GRK4: variants seen among roughly 807,000 people sequenced by gnomAD.
The protein encoded by GRK4 is G protein-coupled receptor kinase 2-like.
Under a neutral mutation model 77.9 loss-of-function variants are expected in GRK4, and 73 were observed. That is an observed-to-expected ratio of 0.94 (90% CI 0.78 to 1.14). The LOEUF is 1.14. Among genes scored for constraint, GRK4 ranks in the 50% most tolerant of loss-of-function variants. The pLI, the probability that GRK4 is intolerant of heterozygous loss-of-function variation, is 0.00. For missense variants in GRK4, 729 were observed against 700.2 expected (o/e 1.04, Z -0.46); for synonymous variants, 257 against 254.4 (o/e 1.01, Z -0.10).
At chr4:3,025,472 C>T (rs1350069600) in intron 10 of GRK4, among the ~76,000 whole-genome samples, 3 of 144,630 alleles carry the variant, frequency 2.1e-5, no homozygotes, top group Non-Finnish European at 4.5e-5. Context: ...TCACTGTAAG[C>T]TCCGCCTCCC....
At chr4:3,006,711 C>T (rs1321718870) in intron 5 of GRK4, among the ~76,000 whole-genome samples, 2 of 152,086 alleles carry the variant, frequency 1.3e-5, no homozygotes, top group Non-Finnish European at 2.9e-5. Flanking sequence ...GAGGTCAAGG[C>T]TGCAGTGACT....
chr4:3,014,918 C>T (rs983516773), intron 8 of GRK4, among the ~76,000 whole-genome samples: 6 of 152,192 alleles, frequency 3.9e-5, no homozygotes, highest in African/African-American at 9.7e-5. Flanking sequence ...TGAGCTACCA[C>T]GTCTGGCTGA....
intron 10 of GRK4, among the ~76,000 whole-genome samples, chr4:3,026,545 C>A (rs1261431181): frequency 6.6e-6 from 1 of 152,132 alleles, no homozygotes; most frequent in Non-Finnish European, 1.5e-5. Flanking sequence ...GCCTGGGCAA[C>A]ATGACCAAAC....
At chr4:3,023,088 C>G (rs920879271) in intron 10 of GRK4, among the ~76,000 whole-genome samples, 2 of 152,146 alleles carry the variant, frequency 1.3e-5, no homozygotes, top group African/African-American at 4.8e-5. Flanking sequence ...TTTCCATTCC[C>G]CTCTAAACTT....
At chr4:3,028,238 T>C (rs1251022956) in intron 11 of GRK4, among the ~76,000 whole-genome samples, 1 of 152,068 alleles carries the variant, frequency 6.6e-6, no homozygotes, top group Non-Finnish European at 1.5e-5. Context: ...AGTCCTGAGG[T>C]CACTCAGCGA....
intron 1 of GRK4, among the ~76,000 whole-genome samples, chr4:2,977,430 C>G (rs570806528): frequency 7.9e-5 from 12 of 151,078 alleles, no homozygotes; most frequent in Non-Finnish European, 1.8e-4. Flanking sequence ...ATCTGTTTAC[C>G]CAGGGTTTTT....
At chr4:2,987,277 T>A (rs567638343) in intron 2 of GRK4, 1 of 345,958 alleles carries the variant, frequency 2.9e-6, no homozygotes, top group South Asian at 2.3e-5. Flanking sequence ...CTTCATCCTT[T>A]TTTGTTGGTG....
At chr4:3,031,951 A>G (rs1739293944) in intron 12 of GRK4, among the ~76,000 whole-genome samples, 1 of 152,066 alleles carries the variant, frequency 6.6e-6, no homozygotes, top group African/African-American at 2.4e-5. Flanking sequence ...TGTCCTTTTC[A>G]TGTGTTTCCA....
At chr4:2,981,266 C>G (rs1448948325) in intron 1 of GRK4, among the ~76,000 whole-genome samples, 1 of 152,204 alleles carries the variant, frequency 6.6e-6, no homozygotes, top group South Asian at 2.1e-4. Flanking sequence ...TGTGCTTCAG[C>G]CTGTTTGTAT....
At chr4:3,000,498 A>G (rs1263154351) in intron 4 of GRK4, among the ~76,000 whole-genome samples, 1 of 151,884 alleles carries the variant, frequency 6.6e-6, no homozygotes, top group Non-Finnish European at 1.5e-5. Context: ...GGAACAATGC[A>G]TATTTGTGGA....
chr4:3,019,003 C>A (rs1025828430), intron 8 of GRK4, among the ~76,000 whole-genome samples: 5 of 152,090 alleles, frequency 3.3e-5, no homozygotes, highest in African/African-American at 1.2e-4. Flanking sequence ...TTGAATGCAG[C>A]CCCAATCAGA....
At chr4:2,987,364 A>C (rs1724721517) in intron 2 of GRK4, among the ~76,000 whole-genome samples, 1 of 152,208 alleles carries the variant, frequency 6.6e-6, no homozygotes. Context: ...GTTGTTTTCT[A>C]CTTTTGCCTG....
intron 4 of GRK4, among the ~76,000 whole-genome samples, chr4:2,996,880 T>C (rs1728103063): frequency 1.3e-5 from 2 of 152,200 alleles, no homozygotes; most frequent in Non-Finnish European, 2.9e-5. Flanking sequence ...TTGTCTTTTA[T>C]TTTAAAACAG....
intron 8 of GRK4, among the ~76,000 whole-genome samples, chr4:3,017,451 A>G (rs777642404): frequency 6.6e-6 from 1 of 152,222 alleles, no homozygotes; most frequent in Non-Finnish European, 1.5e-5. Flanking sequence ...CCAGCTGCCC[A>G]CAACAAGGCT....
intron 12 of GRK4, among the ~76,000 whole-genome samples, chr4:3,034,817 AT>A (rs2110079423): frequency 6.6e-6 from 1 of 152,188 alleles, no homozygotes; most frequent in East Asian, 1.9e-4. Context: ...TTTATGATTA[AT>A]TTTTTTAACT....
chr4:3,019,759 A>G lies in GRK4; in HGVS notation c.860A>G (p.Gln287Arg). The G allele has an allele frequency of 6.2e-7, 1 of 1,614,218 alleles. No homozygotes were observed. Among genetic ancestry groups the G allele is most frequent in the Non-Finnish European group, 8.5e-7 (1 of 1,180,022 alleles). The change falls in exon 9 of 16, where the codon CAG becomes CGG. Residue 287 changes from glutamine to arginine, a missense_variant. By Grantham distance (43) the Gln-to-Arg change is conservative. Coordinates refer to ENST00000398052, the MANE Select transcript of GRK4 (RefSeq NM_182982.3). ...YNLGNPGFDE[Q>R]RAVFYAAELC... is the part of the protein sequence containing the mutation. The stretch of plus-strand genomic sequence containing the variant: ...CTGGGCAATCCCGGCTTTGATGAGC[A>G]GAGAGCCGTTTTCTATGCTGCAGAG...
intron 12 of GRK4, among the ~76,000 whole-genome samples, chr4:3,032,830 G>A (rs1197166591): frequency 6.6e-6 from 1 of 152,222 alleles, no homozygotes; most frequent in Non-Finnish European, 1.5e-5. Context: ...CTTAAAGAAT[G>A]GGTTCTATGG....
Position 2,963,629 on chromosome 4 carries a change from G to A in GRK4, c.-442G>A, listed in dbSNP as rs918361976. Reference sequence around the variant, plus strand: ...CCTCTTCAGCTAAGCCGTTAGCGCCGAGCCCGCCCGGGAGCGGGTCGCCGG... The same window carrying A: ...CCTCTTCAGCTAAGCCGTTAGCGCCAAGCCCGCCCGGGAGCGGGTCGCCGG... On this transcript the variant is annotated 5_prime_UTR_variant, in exon 1 of 16. Coordinates refer to ENST00000398052, the MANE Select transcript of GRK4 (RefSeq NM_182982.3). 3.8e-5 allele frequency: 15 copies of A among 389,948 alleles called. No individual in the cohort carries two copies. The highest frequency in any genetic ancestry group is 9.6e-5 in the Admixed American group (2 of 20,808). 24.2% of individuals were successfully genotyped at this position (389,948 alleles called of 1,614,324 possible).
chr4:2,988,911 C>A, intron 3 of GRK4, 72 bp downstream of exon 3: 6 of 927,334 alleles, frequency 6.5e-6, no homozygotes, highest in South Asian at 5.3e-5. Flanking sequence ...CTTGGCCAGG[C>A]GCAGTAGCTC....
Sources: gnomAD v4.1 joint callset for allele counts (sites outside exome capture counted in the v4.1 genomes callset) on GRCh38, gnomAD v4.1.1 for gene constraint, MANE v1.5 for transcripts, NCBI Gene and HGNC (gene_info 2026-07-23, HGNC 2026-07-21) for gene names.